CRHR1: variants seen among roughly 807,000 people sequenced by gnomAD.
CRHR1 encodes the protein corticotropin-releasing hormone receptor 1.
In CRHR1, 28 loss-of-function variants were observed where a neutral mutation model predicts 56.0. That is an observed-to-expected ratio of 0.50 (90% CI 0.37 to 0.69). The LOEUF (loss-of-function observed/expected upper bound fraction) is 0.69, where lower values mean the gene tolerates loss of function less well. Ranked by LOEUF, CRHR1 falls within the 30% of genes least tolerant of loss-of-function variation. The probability of loss-of-function intolerance (pLI) is 0.00; values close to 1 mark genes in which losing one functional copy is unlikely to be tolerated. For synonymous variants in CRHR1, 195 were observed against 216.5 expected (o/e 0.90, Z 0.87); for missense variants, 376 against 548.0 (o/e 0.69, Z 3.13).
chr17:45,798,329 C>A (rs1435338472), intron 1 of CRHR1, among the ~76,000 whole-genome samples: 1 of 152,074 alleles, frequency 6.6e-6, no homozygotes, highest in Non-Finnish European at 1.5e-5. Context: ...AGTTCGAGAC[C>A]AGCATGGCCA....
intron 1 of CRHR1, among the ~76,000 whole-genome samples, chr17:45,794,208 G>C (rs1202055073): frequency 1.3e-5 from 2 of 152,244 alleles, no homozygotes; most frequent in East Asian, 1.9e-4. Context: ...ATCTGAATTG[G>C]TCTAGACCCT....
chr17:45,817,112 G>A (rs1310415147), intron 3 of CRHR1, among the ~76,000 whole-genome samples: 1 of 147,354 alleles, frequency 6.8e-6, no homozygotes, highest in Non-Finnish European at 1.5e-5. Flanking sequence ...TTTGTAGGTG[G>A]AGTGGGGCAG....
intron 1 of CRHR1, among the ~76,000 whole-genome samples, chr17:45,785,534 A>AC (rs1445803592): frequency 6.6e-6 from 1 of 152,068 alleles, no homozygotes; most frequent in Non-Finnish European, 1.5e-5. Flanking sequence ...GCATCGCCTC[A>AC]CCCGGGGCTC....
rs576916161 is a variant in CRHR1, at chr17:45,819,488, CA to C, written c.242-1864del. On this transcript the variant is annotated intron_variant, in intron 3 of 12. Coordinates refer to ENST00000314537, the MANE Select transcript of CRHR1 (RefSeq NM_004382.5). ...GCCCCTTCCAGCCGGATCTCTGTCCCAAAGCCCCTATCCCTGGAGGTATTTC... is the reference window on the plus strand; with the variant it reads ...GCCCCTTCCAGCCGGATCTCTGTCCCAAGCCCCTATCCCTGGAGGTATTTC... Among the ~76,000 whole-genome samples, 929 of 148,116 alleles carry C rather than the reference CA, an allele frequency of 6.3e-3. 11 individuals are homozygous for C. Among genetic ancestry groups the C allele is most frequent in the African/African-American group, 0.021 (858 of 41,206 alleles).
chr17:45,823,755 A>G (rs1194744604), intron 4 of CRHR1, among the ~76,000 whole-genome samples: 1 of 152,200 alleles, frequency 6.6e-6, no homozygotes, highest in African/African-American at 2.4e-5. Context: ...CGGCCTGGCA[A>G]GCTTTGGTTA....
intron 4 of CRHR1, 60 bp from the exon 5 acceptor site, chr17:45,829,155 C>T (rs1023962348): frequency 9.7e-6 from 13 of 1,346,690 alleles, no homozygotes; most frequent in East Asian, 2.3e-5. Flanking sequence ...TAGGCGATGT[C>T]CTCACAGAGC....
intron 2 of CRHR1, among the ~76,000 whole-genome samples, chr17:45,815,903 G>A (rs1345527522): frequency 6.6e-6 from 1 of 152,190 alleles, no homozygotes; most frequent in Non-Finnish European, 1.5e-5. Flanking sequence ...GTGACGTATG[G>A]TCAGTAAGTG....
intron 7 of CRHR1, 56 bp from the exon 8 acceptor site, chr17:45,830,824 G>A: frequency 9.6e-6 from 15 of 1,568,716 alleles, no homozygotes; most frequent in Non-Finnish European, 1.3e-5. Context: ...GGGTTCTCCA[G>A]GCCCACATCC....
intron 4 of CRHR1, among the ~76,000 whole-genome samples, chr17:45,823,304 A>ACT (rs1221208417): frequency 1.3e-5 from 2 of 151,596 alleles, no homozygotes; most frequent in Non-Finnish European, 2.9e-5. Flanking sequence ...AAAGTGAGAA[A>ACT]CTCTAATCTA....
chr17:45,834,532 C>T (rs16940677), intron 12 of CRHR1, 92 bp from the exon 13 acceptor site: 278,237 of 1,463,688 alleles, frequency 0.19, 29,996 homozygotes, highest in Non-Finnish European at 0.22. Context: ...CCTGCACAGC[C>T]GCTTACCTGC....
In CRHR1 at chr17:45,784,582, C is replaced by G. The variant is rs2061295298; in HGVS notation, c.33+5C>G. On this transcript the variant is annotated splice_donor_5th_base_variant and intron_variant, in intron 1 of 12. Coordinates refer to ENST00000314537, the MANE Select transcript of CRHR1 (RefSeq NM_004382.5). The surrounding 1 kb of genome is among the most constrained non-coding windows in gnomAD (Gnocchi z 4.2). ...CCGCAGCTCCGTCTCGTCAAGGTAA[C>G]AGCCCGCCGGCCATCCCTCGAGCGC... 1 of 1,548,912 alleles carries G rather than the reference C, an allele frequency of 6.5e-7. No individual in the cohort carries two copies. The highest frequency in any genetic ancestry group is 2.5e-5 in the East Asian group (1 of 40,080).
intron 4 of CRHR1, 33 bp downstream of exon 4, chr17:45,821,473 G>C (rs762448750): frequency 6.3e-7 from 1 of 1,594,800 alleles, no homozygotes; most frequent in South Asian, 1.1e-5. Context: ...TGCCCATATG[G>C]AGGGGAGTCC....
intron 1 of CRHR1, among the ~76,000 whole-genome samples, chr17:45,785,945 GAGAC>G (rs2061328043): frequency 6.6e-6 from 1 of 152,162 alleles, no homozygotes; most frequent in Admixed American, 6.5e-5. Context: ...GGCGTTCGAG[GAGAC>G]AGACAGGTGA....
At chr17:45,809,508 T>A (rs1199274994) in intron 2 of CRHR1, among the ~76,000 whole-genome samples, 1 of 152,246 alleles carries the variant, frequency 6.6e-6, no homozygotes, top group African/African-American at 2.4e-5. Context: ...TGAATAGTGT[T>A]CATTCCCTAG....
rs929229913 is a variant in CRHR1 at position 45,816,511 on chromosome 17, G to T, written c.170G>T (p.Arg57Leu). 2.5e-6 allele frequency: 4 copies of T among 1,614,094 alleles called. No homozygotes were observed. Among genetic ancestry groups the T allele is most frequent in the Admixed American group, 1.7e-5 (1 of 60,028 alleles). The change falls in exon 3 of 13, where the codon CGC (arginine) becomes CTC (leucine). Residue 57 changes from arginine (R) to leucine (L), a missense_variant. Coordinates refer to ENST00000314537, the MANE Select transcript of CRHR1 (RefSeq NM_004382.5). ...GACCTCATTGGCACCTGCTGGCCCCGCAGCCCTGCGGGGCAGCTAGTGGTT... is the reference window on the plus strand; with the variant it reads ...GACCTCATTGGCACCTGCTGGCCCCTCAGCCCTGCGGGGCAGCTAGTGGTT... Reference protein sequence around the residue: ...SVDLIGTCWPRSPAGQLVVRP... With the variant: ...SVDLIGTCWPLSPAGQLVVRP...
At chr17:45,821,768 G>A (rs553757642) in intron 4 of CRHR1, among the ~76,000 whole-genome samples, 7 of 152,306 alleles carry the variant, frequency 4.6e-5, no homozygotes, top group East Asian at 1.9e-4. Context: ...GACCAGACTC[G>A]GTCACAGGAG....
At chr17:45,821,520 G>A (rs1389690770) in intron 4 of CRHR1, 80 bp downstream of exon 4, 2 of 1,319,592 alleles carry the variant, frequency 1.5e-6, no homozygotes, top group African/African-American at 2.9e-5. Flanking sequence ...GCTACTTGGA[G>A]TCAGGGAGCC....
rs758143406 is a variant in CRHR1, at chr17:45,834,041, ATAGTGAGG to A, written c.1102_1107+2del. On this transcript the variant is annotated splice_donor_variant and coding_sequence_variant, in exon 12 of 13. Transcript: ENST00000314537. LOFTEE classifies it high-confidence loss of function. The stretch of plus-strand genomic sequence containing the variant: ...GTGTCTGTGTTCTACTGTTTCCTCA[ATAGTGAGG>A]TGAGGACCCGGGGGCCCTGCAGCGG... The A allele has an allele frequency of 6.2e-7, 1 of 1,613,240 alleles. No homozygotes were observed.
intron 1 of CRHR1, among the ~76,000 whole-genome samples, chr17:45,785,198 C>T (rs1012115996): frequency 5.9e-5 from 9 of 152,238 alleles, no homozygotes; most frequent in Non-Finnish European, 1.2e-4. Context: ...TTCTCCGAGC[C>T]TGGGCACCCG....
Sources: allele counts gnomAD v4.1 joint callset (sites outside exome capture counted in the v4.1 genomes callset), GRCh38; gene constraint gnomAD v4.1.1; non-coding constraint Gnocchi (gnomAD v3.1); transcripts MANE v1.5; gene names NCBI Gene and HGNC (gene_info 2026-07-23, HGNC 2026-07-21).